CACNA1H: variants seen among roughly 807,000 people sequenced by gnomAD.
CACNA1H encodes the protein voltage-dependent T-type calcium channel subunit alpha-1H.
Under a neutral mutation model 192.5 loss-of-function variants are expected in CACNA1H, and 149 were observed. The ratio of observed to expected loss-of-function variants is 0.77; its 90% CI spans 0.68 to 0.89. CACNA1H has a LOEUF of 0.89. Ranked by LOEUF, CACNA1H falls within the 40% of genes least tolerant of loss-of-function variation. CACNA1H has a pLI of 0.00. For missense variants in CACNA1H, 4,257 were observed against 3,423.5 expected, an observed-to-expected ratio of 1.24 and a Z score of -6.08; for synonymous variants, 2,202 against 1,475.2, an observed-to-expected ratio of 1.49 and a Z score of -11.29.
intron 2 of CACNA1H, among the ~76,000 whole-genome samples, chr16:1,176,450 C>T (rs1964898746): frequency 6.6e-6 from 1 of 152,218 alleles, no homozygotes; most frequent in African/African-American, 2.4e-5. Flanking sequence ...TGCATGGACC[C>T]CAGCTGCCGT....
intron 3 of CACNA1H, 108 bp from the exon 4 acceptor site, chr16:1,195,315 CAGGGGCGGG>C: frequency 9.9e-7 from 1 of 1,008,344 alleles, no homozygotes; most frequent in African/African-American, 3.9e-5. Flanking sequence ...CAGGGCGGGG[CAGGGGCGGG>C]GCGAGGGGTG....
At chr16:1,218,157 G>T (rs1567554538) in intron 32 of CACNA1H, 53 bp from the exon 33 acceptor site, 1 of 1,534,452 alleles carries the variant, frequency 6.5e-7, no homozygotes, top group East Asian at 2.5e-5. Context: ...CACTGCCAGG[G>T]TGGCACCCGC....
intron 2 of CACNA1H, among the ~76,000 whole-genome samples, chr16:1,158,385 G>A (rs1281110160): frequency 2.0e-5 from 3 of 152,028 alleles, no homozygotes; most frequent in East Asian, 1.9e-4. Flanking sequence ...TAGGGGGTCC[G>A]CCGAGCGCCT....
intron 2 of CACNA1H, among the ~76,000 whole-genome samples, chr16:1,162,132 C>A (rs1450060443): frequency 1.3e-5 from 2 of 152,074 alleles, no homozygotes; most frequent in African/African-American, 4.8e-5. Flanking sequence ...TCCTCGTCCC[C>A]ACTCAGTCCC....
intron 2 of CACNA1H, among the ~76,000 whole-genome samples, chr16:1,156,492 G>A (rs1004501157): frequency 2.6e-5 from 4 of 152,146 alleles, no homozygotes; most frequent in African/African-American, 9.7e-5. Flanking sequence ...TTTCCAGAGC[G>A]CTTCAGATTC....
rs754640908 is a variant in CACNA1H, at chr16:1,215,010, C to T, written c.4968C>T (p.Phe1656=). 5.6e-6 allele frequency: 9 copies of T among 1,612,616 alleles called. No homozygotes were observed. In the East Asian group the frequency reaches 1.8e-4, roughly 32 times the overall value. The change falls in exon 28 of 35, where the codon TTC becomes TTT. Residue 1656 remains phenylalanine, a synonymous_variant. Transcript: ENST00000348261. ...CCCTCAAGTACTGCAACTACGTCTT[C>T]ACCATCGTGTTTGTCTTCGAGGCTG... ...DEALKYCNYV[F]TIVFVFEAAL...
At chr16:1,171,561 C>T (rs1180088401) in intron 2 of CACNA1H, among the ~76,000 whole-genome samples, 5 of 152,218 alleles carry the variant, frequency 3.3e-5, no homozygotes, top group Admixed American at 6.5e-5. Context: ...CATTAAACTC[C>T]CTTGGCTGCC....
chr16:1,156,082 C>T lies in CACNA1H; in HGVS notation c.299+2046C>T, dbSNP rs185386415. 1.1e-3 allele frequency among the ~76,000 whole-genome samples: 161 copies of T among 152,252 alleles called. 1 individual carries two copies. The highest frequency in any genetic ancestry group is 3.7e-3 in the African/African-American group (153 of 41,548). ...GGGCTGGGAGAGAATGGGTGGTCGGCCTCCTGCCCTTCGATGGCATCCCTT... is the reference window on the plus strand; with the variant it reads ...GGGCTGGGAGAGAATGGGTGGTCGGTCTCCTGCCCTTCGATGGCATCCCTT... On this transcript the variant is annotated intron_variant, in intron 2 of 34. Coordinates refer to ENST00000348261, the MANE Select transcript of CACNA1H (RefSeq NM_021098.3).
chr16:1,192,500 G>T (rs910964462), intron 2 of CACNA1H, among the ~76,000 whole-genome samples: 4 of 152,206 alleles, frequency 2.6e-5, no homozygotes, highest in African/African-American at 9.6e-5. Flanking sequence ...TGGGCCCTCC[G>T]CCTCAGGGTC....
intron 6 of CACNA1H, among the ~76,000 whole-genome samples, chr16:1,199,768 C>G (rs533332776): frequency 4.0e-5 from 6 of 151,050 alleles, no homozygotes; most frequent in Non-Finnish European, 8.9e-5. Context: ...TGCCCTCAGC[C>G]CTCACCCCTG....
chr16:1,211,730 G>T lies in CACNA1H; in HGVS notation c.4491G>T (p.Leu1497=). 6.2e-7 allele frequency: 1 copy of T among 1,612,650 alleles called. No individual in the cohort carries two copies. Residue 1497 remains leucine (L), a synonymous_variant, in exon 24 of 35, where the codon CTG becomes CTT. Coordinates refer to ENST00000348261, the MANE Select transcript of CACNA1H (RefSeq NM_021098.3). ...FDNLGQALMS[L]FVLSSKDGWV... is the part of the protein sequence containing the mutation. ...CTGGCCCTCAGGCCCTGATGTCGCT[G>T]TTCGTGCTGTCATCCAAGGATGGAT... is the stretch of plus-strand genomic sequence containing the variant.
Position 1,221,621 on chromosome 16 carries a change from G to A in CACNA1H, c.*627G>A. On this transcript the variant is annotated 3_prime_UTR_variant, in exon 35 of 35. Transcript: ENST00000348261. Reference sequence around the variant, plus strand: ...GAATCAGGCCTCCCCTACATCTGGGGGCGTTGGCCGCGAGATTCCCATTGA... The same window carrying A: ...GAATCAGGCCTCCCCTACATCTGGGAGCGTTGGCCGCGAGATTCCCATTGA... 1.3e-6 allele frequency: 1 copy of A among 746,584 alleles called. No individual in the cohort carries two copies. Among genetic ancestry groups the A allele is most frequent in the Non-Finnish European group, 2.1e-6 (1 of 475,432 alleles). The allele number at this position is 746,584 out of a possible 1,614,324, so 46.2% of individuals were successfully genotyped here. A position where few individuals can be genotyped will look rare whatever the true frequency, so the allele number is the denominator to read the frequency against.
intron 12 of CACNA1H, chr16:1,206,798 T>G (rs983840777): frequency 7.2e-6 from 4 of 558,244 alleles, no homozygotes; most frequent in Non-Finnish European, 1.3e-5. Flanking sequence ...GCCTGTGGAA[T>G]GGACACTACT....
At chr16:1,156,588 G>C (rs1461939369) in intron 2 of CACNA1H, among the ~76,000 whole-genome samples, 2 of 152,124 alleles carry the variant, frequency 1.3e-5, no homozygotes, top group South Asian at 4.1e-4. Flanking sequence ...GTAGCAAGAG[G>C]GTGCTTCCTG....
rs1966851618 is a variant in CACNA1H at position 1,194,786 on chromosome 16, CCA to C, written c.300-185_300-184del. On this transcript the variant is annotated intron_variant, in intron 2 of 34. Coordinates refer to ENST00000348261, the MANE Select transcript of CACNA1H (RefSeq NM_021098.3). ...AGCAGAGCCCGGCCAGGCGCAGGCC[CCA>C]GGCGCCACCTGGTGGCTGCTTTCAG... Among the ~76,000 whole-genome samples, 3 of 152,312 alleles carry C rather than the reference CCA, an allele frequency of 2.0e-5. No homozygotes were observed. In the South Asian group the frequency reaches 6.2e-4, roughly 32 times the overall value.
Position 1,221,399 on chromosome 16 carries a change from G to A in CACNA1H, c.*405G>A. Reference sequence around the variant, plus strand: ...CCTGTGCCCTTGCCGGCGGCAGGTTGCAGCCACCGCGGCCCAATGTCACCT... The same window carrying A: ...CCTGTGCCCTTGCCGGCGGCAGGTTACAGCCACCGCGGCCCAATGTCACCT... On this transcript the variant is annotated 3_prime_UTR_variant, in exon 35 of 35. Coordinates refer to ENST00000348261, the MANE Select transcript of CACNA1H (RefSeq NM_021098.3). 1 of 290,412 alleles carries A rather than the reference G, an allele frequency of 3.4e-6. No homozygotes were observed. Among genetic ancestry groups the A allele is most frequent in the Non-Finnish European group, 6.4e-6 (1 of 156,506 alleles). The allele number at this position is 290,412 out of a possible 1,614,324, so 18.0% of individuals were successfully genotyped here.
rs955537255 is a variant in CACNA1H, at chr16:1,180,843, C to T, written c.300-14129C>T. On this transcript the variant is annotated intron_variant, in intron 2 of 34. Coordinates refer to ENST00000348261, the MANE Select transcript of CACNA1H (RefSeq NM_021098.3). This position sits in a 1 kb window ranked among gnomAD's most constrained non-coding sequence, Gnocchi z 4.4. Reference sequence around the variant, plus strand: ...CCACAGCCACCCCGCCCTGGACTCCCCGGGCCAGCACCCGACCTGGCCGCC... The same window carrying T: ...CCACAGCCACCCCGCCCTGGACTCCTCGGGCCAGCACCCGACCTGGCCGCC... Among the ~76,000 whole-genome samples the T allele has an allele frequency of 6.6e-6, 1 of 152,186 alleles. No homozygotes were observed. Among genetic ancestry groups the T allele is most frequent in the Non-Finnish European group, 1.5e-5 (1 of 68,014 alleles).
Position 1,220,972 on chromosome 16 carries a change from G to T in CACNA1H, c.7040G>T (p.Gly2347Val). 1.2e-6 allele frequency: 2 copies of T among 1,600,756 alleles called. No individual in the cohort carries two copies. The highest frequency in any genetic ancestry group is 1.7e-6 in the Non-Finnish European group (2 of 1,173,836). ...GSPSATPAPG[G>V]GADDPV is the part of the protein sequence containing the mutation. ...CCCTCAGCCACCCCTGCCCCAGGGGGTGGTGCAGATGACCCCGTGTAGCTC... is the reference window on the plus strand; with the variant it reads ...CCCTCAGCCACCCCTGCCCCAGGGGTTGGTGCAGATGACCCCGTGTAGCTC... The change falls in exon 35 of 35, where the codon GGT becomes GTT. Residue 2347 changes from glycine to valine, a missense_variant. By Grantham distance (109) the Gly-to-Val change is moderately radical (BLOSUM62 -3). Transcript: ENST00000348261.
chr16:1,189,082 C>T (rs184509945), intron 2 of CACNA1H, among the ~76,000 whole-genome samples: 142 of 152,318 alleles, frequency 9.3e-4, no homozygotes, highest in African/African-American at 3.1e-3. Flanking sequence ...CGCTTACTGC[C>T]GCAGAAAGGA....
Sources: allele counts gnomAD v4.1 joint callset (sites outside exome capture counted in the v4.1 genomes callset), GRCh38; gene constraint gnomAD v4.1.1; non-coding constraint Gnocchi (gnomAD v3.1); transcripts MANE v1.5; gene names NCBI Gene and HGNC (gene_info 2026-07-23, HGNC 2026-07-21).